Variants in DST observed in about 807,000 individuals in gnomAD.
DST encodes dystonin.
Under a neutral mutation model 875.2 loss-of-function variants are expected in DST, and 253 were observed. The observed-to-expected ratio is 0.29, with a 90% CI of 0.26 to 0.32. The LOEUF is 0.32. Ranked by LOEUF, DST falls within the 10% of genes least tolerant of loss-of-function variation. The probability of loss-of-function intolerance (pLI) is 1.00; values close to 1 mark genes in which losing one functional copy is unlikely to be tolerated. For synonymous variants in DST, 3,124 were observed against 3,197.1 expected, an observed-to-expected ratio of 0.98 and a Z score of 0.77; for missense variants, 8,287 against 9,111.6, an observed-to-expected ratio of 0.91 and a Z score of 3.68.
chr6:56,827,828 G>A (rs2099782596), intron 4 of DST, among the ~76,000 whole-genome samples: 2 of 152,044 alleles, frequency 1.3e-5, no homozygotes, highest in Non-Finnish European at 2.9e-5. Context: ...GATAAGAAAC[G>A]GAGTTGGGCT....
At chr6:56,750,496 T>C (rs1477608950) in intron 4 of DST, among the ~76,000 whole-genome samples, 1 of 152,194 alleles carries the variant, frequency 6.6e-6, no homozygotes, top group Non-Finnish European at 1.5e-5. Context: ...TTGCCTACTA[T>C]GAGAAGAGTG....
chr6:56,883,841 T>A (rs1371856171), intron 3 of DST, among the ~76,000 whole-genome samples: 2 of 151,996 alleles, frequency 1.3e-5, no homozygotes, highest in Admixed American at 1.3e-4. Flanking sequence ...TTAGTATGCA[T>A]CTCTAAAAGA....
Position 56,477,437 on chromosome 6 carries a change from T to C in DST, c.21583A>G (p.Thr7195Ala). ...EKRAELNKAT[T>A]MGDTVLAICH... ...ATAGCCAAAACGGTGTCGCCCATAGTGGTGGCTTTATTTAGTTCAGCTCTC... is the reference window on the plus strand; with the variant it reads ...ATAGCCAAAACGGTGTCGCCCATAGCGGTGGCTTTATTTAGTTCAGCTCTC... The change falls in exon 91 of 104, where the codon ACT becomes GCT. Residue 7195 changes from threonine to alanine, a missense_variant. By Grantham distance (58) the Thr-to-Ala change is moderately conservative. Coordinates refer to ENST00000680361, the MANE Select transcript of DST (RefSeq NM_001374736.1). The C allele has an allele frequency of 6.2e-7, 1 of 1,613,928 alleles. No homozygotes were observed. The highest frequency in any genetic ancestry group is 8.5e-7 in the Non-Finnish European group (1 of 1,179,874).
chr6:56,593,588 C>T (rs1481167549), intron 48 of DST, 75 bp downstream of exon 48: 2 of 1,276,766 alleles, frequency 1.6e-6, no homozygotes, highest in African/African-American at 1.5e-5. Flanking sequence ...GGTTTCTTGC[C>T]TCTTGTTCCA....
At chr6:56,557,080 G>T (rs987751685) in intron 59 of DST, among the ~76,000 whole-genome samples, 1 of 152,152 alleles carries the variant, frequency 6.6e-6, no homozygotes, top group African/African-American at 2.4e-5. Context: ...ATAATCAGGA[G>T]ACTTGGCCCA....
intron 91 of DST, among the ~76,000 whole-genome samples, chr6:56,476,754 T>C (rs779133029): frequency 1.3e-5 from 2 of 151,710 alleles, no homozygotes; most frequent in Non-Finnish European, 2.9e-5. Flanking sequence ...CAGTTCAAGA[T>C]CAGCCTGACC....
At chr6:56,476,684 T>C (rs749468278) in intron 91 of DST, among the ~76,000 whole-genome samples, 24 of 152,224 alleles carry the variant, frequency 1.6e-4, no homozygotes, top group East Asian at 3.9e-4. Context: ...TGGCAGGGCG[T>C]GGTGGCTCAC....
intron 10 of DST, among the ~76,000 whole-genome samples, chr6:56,669,366 T>A (rs188532937): frequency 4.3e-3 from 644 of 149,068 alleles, no homozygotes; most frequent in Middle Eastern, 0.014. Context: ...GAGGCCAAGG[T>A]GAGGGGATCA....
rs573226783 is a variant in DST at position 56,748,899 on chromosome 6, T to C, written c.626-13610A>G. The stretch of plus-strand genomic sequence containing the variant: ...ACATAAGATAAACAGATGTGATTTC[T>C]TACTATATCAATTCCAGAAAAAGAA... On this transcript the variant is annotated intron_variant, in intron 4 of 103. Transcript: ENST00000680361. Among the ~76,000 whole-genome samples, 12 of 152,312 alleles carry C rather than the reference T, an allele frequency of 7.9e-5. No individual in the cohort carries two copies. In the South Asian group the frequency reaches 2.3e-3, roughly 29 times the overall value.
chr6:56,585,205 C>T (rs1196491755), intron 49 of DST, among the ~76,000 whole-genome samples: 8 of 142,424 alleles, frequency 5.6e-5, no homozygotes, highest in East Asian at 2.1e-4. Context: ...TAGAATTTGG[C>T]TGTGAATCCA....
intron 95 of DST, among the ~76,000 whole-genome samples, 159 bp from the exon 96 acceptor site, chr6:56,470,441 G>A (rs1426689373): frequency 6.6e-6 from 1 of 152,042 alleles, no homozygotes; most frequent in East Asian, 1.9e-4. Context: ...AGCAAATGAA[G>A]AGTTATATAT....
intron 2 of DST, among the ~76,000 whole-genome samples, chr6:56,927,793 T>C (rs1312715057): frequency 6.6e-6 from 1 of 152,130 alleles, no homozygotes; most frequent in African/African-American, 2.4e-5. Flanking sequence ...CATTAGATAT[T>C]TCAACAGGAG....
At chr6:56,776,308 C>G (rs1325359518) in intron 4 of DST, among the ~76,000 whole-genome samples, 2 of 152,204 alleles carry the variant, frequency 1.3e-5, no homozygotes, top group South Asian at 2.1e-4. Flanking sequence ...GAGAAGACTA[C>G]AGAGACATGA....
At chr6:56,690,324 T>A (rs778017842) in intron 9 of DST, among the ~76,000 whole-genome samples, 6 of 152,154 alleles carry the variant, frequency 3.9e-5, no homozygotes, top group Non-Finnish European at 8.8e-5. Context: ...CAAAGCAGTA[T>A]ACAAATCTAA....
At chr6:56,718,832 T>C (rs1563845768) in intron 5 of DST, among the ~76,000 whole-genome samples, 1 of 152,198 alleles carries the variant, frequency 6.6e-6, no homozygotes, top group Non-Finnish European at 1.5e-5. Context: ...ATTCTGTTTA[T>C]GTGAAATATC....
At chr6:56,539,770 A>AT (rs2097092574) in intron 61 of DST, among the ~76,000 whole-genome samples, 3 of 152,194 alleles carry the variant, frequency 2.0e-5, no homozygotes, top group African/African-American at 7.2e-5. Flanking sequence ...GTACAGCATA[A>AT]TAACTCTACT....
At position 56,588,930 on chromosome 6, in the gene DST, T is replaced by TA. The variant is rs146045076; in HGVS notation, c.12903+3251dup. On this transcript the variant is annotated intron_variant, in intron 49 of 103. Coordinates refer to ENST00000680361, the MANE Select transcript of DST (RefSeq NM_001374736.1). Reference sequence around the variant, plus strand: ...CCTAGCAGTTTAATTACGGGAAGTGTAAAAAAAAATCCCTCAAGACATGAA... The same window carrying TA: ...CCTAGCAGTTTAATTACGGGAAGTGTAAAAAAAAAATCCCTCAAGACATGAA... Among the ~76,000 whole-genome samples the TA allele has an allele frequency of 5.1e-3, 778 of 151,490 alleles. 7 individuals carry two copies. The highest frequency in any genetic ancestry group is 0.018 in the African/African-American group (732 of 41,324).
intron 4 of DST, chr6:56,843,641 C>T (rs1262668992): frequency 1.5e-5 from 15 of 983,946 alleles, no homozygotes; most frequent in African/African-American, 1.7e-5. Context: ...CTGCGCGGCG[C>T]ATCTGCGGCA....
At chr6:56,580,414 G>T (rs2097950822) in intron 49 of DST, among the ~76,000 whole-genome samples, 1 of 151,956 alleles carries the variant, frequency 6.6e-6, no homozygotes, top group South Asian at 2.1e-4. Flanking sequence ...GCCGGGCACG[G>T]TAGTCTGTGC....
Sources: gnomAD v4.1 joint callset for allele counts (sites outside exome capture counted in the v4.1 genomes callset) on GRCh38, gnomAD v4.1.1 for gene constraint, MANE v1.5 for transcripts, NCBI Gene and HGNC (gene_info 2026-07-23, HGNC 2026-07-21) for gene names.